The following KLHL1 variants were observed in gnomAD, a reference collection of about 807,000 sequenced individuals.
KLHL1 encodes the protein kelch like family member 1.
In KLHL1, 47 loss-of-function variants were observed where a neutral mutation model predicts 77.7. That is an observed-to-expected ratio of 0.60 (90% CI 0.48 to 0.77). KLHL1 has a LOEUF of 0.77. KLHL1 is among the 30% of genes least tolerant of loss of function. KLHL1 has a pLI of 0.00. For missense variants in KLHL1, 925 were observed against 910.8 expected (o/e 1.02, Z -0.20); for synonymous variants, 360 against 325.2 (o/e 1.11, Z -1.15).
intron 6 of KLHL1, among the ~76,000 whole-genome samples, chr13:69,819,854 A>G (rs1954490430): frequency 6.6e-6 from 1 of 152,148 alleles, no homozygotes; most frequent in African/African-American, 2.4e-5. Context: ...GGCTCCAAAG[A>G]TCAGTTTGAG....
intron 6 of KLHL1, among the ~76,000 whole-genome samples, chr13:69,814,643 C>T (rs769498464): frequency 5.3e-5 from 8 of 152,256 alleles, no homozygotes; most frequent in South Asian, 2.1e-4. Context: ...TACTCAACAT[C>T]ACTAATCATC....
intron 7 of KLHL1, among the ~76,000 whole-genome samples, chr13:69,769,034 A>T (rs1289643147): frequency 6.6e-6 from 1 of 152,216 alleles, no homozygotes; most frequent in Non-Finnish European, 1.5e-5. Flanking sequence ...TCTAGAAGCT[A>T]ATAGGATAAA....
chr13:69,847,274 C>G (rs1879501151), intron 5 of KLHL1, among the ~76,000 whole-genome samples: 1 of 151,254 alleles, frequency 6.6e-6, no homozygotes, highest in Non-Finnish European at 1.5e-5. Context: ...ACTTGTATTA[C>G]AGACAACCTT....
At position 70,100,051 on chromosome 13, in the gene KLHL1, A is replaced by G. The variant is rs574556843; in HGVS notation, c.497+7152T>C. Among the ~76,000 whole-genome samples the G allele has an allele frequency of 2.0e-5, 3 of 152,056 alleles. No homozygotes were observed. In the East Asian group the frequency reaches 5.8e-4, roughly 29 times the overall value. Reference sequence around the variant, plus strand: ...TTTGAATTTTTATGTAAATTTTTAGAATAAACTCATCAATTTGTAACAAAA... The same window carrying G: ...TTTGAATTTTTATGTAAATTTTTAGGATAAACTCATCAATTTGTAACAAAA... On this transcript the variant is annotated intron_variant, in intron 1 of 10. Coordinates refer to ENST00000377844, the MANE Select transcript of KLHL1 (RefSeq NM_020866.3).
chr13:69,892,268 T>A (rs1881451008), intron 4 of KLHL1, among the ~76,000 whole-genome samples: 1 of 152,168 alleles, frequency 6.6e-6, no homozygotes, highest in Non-Finnish European at 1.5e-5. Flanking sequence ...GAAAATAGTA[T>A]CATTGAAAAT....
chr13:70,048,436 A>T (rs1284565349), intron 1 of KLHL1, among the ~76,000 whole-genome samples: 3 of 152,216 alleles, frequency 2.0e-5, no homozygotes, highest in Non-Finnish European at 2.9e-5. Flanking sequence ...GACATCATTC[A>T]ATATCTATAG....
At chr13:69,876,845 C>T (rs905335235) in intron 5 of KLHL1, among the ~76,000 whole-genome samples, 1 of 152,138 alleles carries the variant, frequency 6.6e-6, no homozygotes, top group African/African-American at 2.4e-5. Context: ...CAAGACTAGC[C>T]TGACCAGTGT....
intron 1 of KLHL1, among the ~76,000 whole-genome samples, chr13:70,105,685 C>T (rs2137460139): frequency 6.6e-6 from 1 of 151,232 alleles, no homozygotes; most frequent in East Asian, 2.0e-4. Flanking sequence ...ATAAAAATTT[C>T]AGTACATTTG....
intron 7 of KLHL1, among the ~76,000 whole-genome samples, chr13:69,774,876 A>G (rs1448720525): frequency 6.6e-6 from 1 of 152,182 alleles, no homozygotes; most frequent in Non-Finnish European, 1.5e-5. Context: ...GAACTTCTAC[A>G]TTGAAAACTA....
chr13:69,975,993 T>C (rs1884535098), intron 1 of KLHL1, among the ~76,000 whole-genome samples, 191 bp from the exon 2 acceptor site: 1 of 152,134 alleles, frequency 6.6e-6, no homozygotes, highest in Admixed American at 6.6e-5. Flanking sequence ...AGTGATTTGC[T>C]CTAGGGAATA....
intron 8 of KLHL1, among the ~76,000 whole-genome samples, chr13:69,721,351 A>T (rs890810438): frequency 6.6e-6 from 1 of 151,034 alleles, no homozygotes; most frequent in Non-Finnish European, 1.5e-5. Flanking sequence ...CCTAAAATGT[A>T]TAAAATCAAG....
At chr13:70,020,946 C>T (rs1885775590) in intron 1 of KLHL1, among the ~76,000 whole-genome samples, 1 of 152,044 alleles carries the variant, frequency 6.6e-6, no homozygotes, top group Admixed American at 6.6e-5. Context: ...TCCCCTGCTT[C>T]TGTGTACGTA....
At chr13:69,766,574 T>C (rs946512087) in intron 7 of KLHL1, among the ~76,000 whole-genome samples, 1 of 151,798 alleles carries the variant, frequency 6.6e-6, no homozygotes, top group East Asian at 1.9e-4. Context: ...GAAATATGAA[T>C]GGAAAAGAAG....
At chr13:69,903,847 G>T (rs1334678700) in intron 4 of KLHL1, among the ~76,000 whole-genome samples, 1 of 151,098 alleles carries the variant, frequency 6.6e-6, no homozygotes, top group African/African-American at 2.4e-5. Flanking sequence ...TCACCATGTT[G>T]GCCAGGATGG....
intron 6 of KLHL1, among the ~76,000 whole-genome samples, chr13:69,811,397 A>T (rs976267077): frequency 1.0e-4 from 13 of 129,376 alleles, no homozygotes; most frequent in South Asian, 8.7e-4. Flanking sequence ...CGTAATAGAT[A>T]AAAAAAAAAA....
In KLHL1 at chr13:69,787,942, C is replaced by G. The variant is rs1263285419; in HGVS notation, c.1639+8796G>C. Among the ~76,000 whole-genome samples the G allele has an allele frequency of 3.3e-5, 5 of 152,320 alleles. No homozygotes were observed. The East Asian group carries it at 7.7e-4, about 24-fold the overall frequency. On this transcript the variant is annotated intron_variant, in intron 7 of 10. Transcript: ENST00000377844. Reference sequence around the variant, plus strand: ...CACTGGCCATCAGAGAAATGCAAATCAAAACCACAATGAGATACCATCTCA... The same window carrying G: ...CACTGGCCATCAGAGAAATGCAAATGAAAACCACAATGAGATACCATCTCA...
intron 5 of KLHL1, among the ~76,000 whole-genome samples, chr13:69,880,192 A>C (rs2138192163): frequency 6.6e-6 from 1 of 152,298 alleles, no homozygotes; most frequent in South Asian, 2.1e-4. Flanking sequence ...CTTTGAGCCT[A>C]ATATTCCTCT....
chr13:69,992,923 G>GA (rs35249010), intron 1 of KLHL1, among the ~76,000 whole-genome samples: 31,710 of 147,402 alleles, frequency 0.22, 3,464 homozygotes, highest in Admixed American at 0.26. Context: ...GCTGCAGAGG[G>GA]AAAAAAAAAA....
chr13:69,796,033 C>G (rs928200315), intron 7 of KLHL1, among the ~76,000 whole-genome samples: 1 of 152,108 alleles, frequency 6.6e-6, no homozygotes, highest in African/African-American at 2.4e-5. Flanking sequence ...TTCCATGTTA[C>G]TTCATTTTTC....
Sources: allele counts gnomAD v4.1 joint callset (sites outside exome capture counted in the v4.1 genomes callset), GRCh38; gene constraint gnomAD v4.1.1; transcripts MANE v1.5; gene names NCBI Gene and HGNC (gene_info 2026-07-23, HGNC 2026-07-21).